Variants in IQANK1 observed in about 807,000 individuals in gnomAD.
IQANK1 encodes IQ motif and ankyrin repeat domain-containing protein 1.
In IQANK1, 30 loss-of-function variants were observed where a neutral mutation model predicts 22.6. The observed-to-expected ratio is 1.33, with a 90% CI of 0.99 to 1.80. The LOEUF (loss-of-function observed/expected upper bound fraction) is 1.80. Among genes scored for constraint, IQANK1 ranks in the 40% most tolerant of loss-of-function variants. The pLI is 0.00. For missense variants in IQANK1, 275 were observed against 235.2 expected, an observed-to-expected ratio of 1.17 and a Z score of -1.11; for synonymous variants, 122 against 99.6, an observed-to-expected ratio of 1.23 and a Z score of -1.34.
At chr8:143,762,341 G>GGAAAAGAAAA (rs111349466) in intron 3 of IQANK1, among the ~76,000 whole-genome samples, 2 of 151,106 alleles carry the variant, frequency 1.3e-5, no homozygotes, top group African/African-American at 4.9e-5. Flanking sequence ...AGGGAGGGAG[G>GGAAAAGAAAA]GAAAAGAAAA....
intron 3 of IQANK1, chr8:143,743,928 G>C: frequency 2.5e-6 from 1 of 406,934 alleles, no homozygotes. Context: ...CCGCCTCCCA[G>C]GTTCAGGCAA....
chr8:143,788,779 C>T (rs1358964475), intron 7 of IQANK1, 136 bp from the exon 8 acceptor site: 14 of 397,200 alleles, frequency 3.5e-5, no homozygotes, highest in East Asian at 1.1e-4. Flanking sequence ...GGGCCCACCA[C>T]GCACCAGCTG....
chr8:143,788,483 T>C lies in IQANK1; in HGVS notation c.790-432T>C, dbSNP rs569996858. Among the ~76,000 whole-genome samples the C allele has an allele frequency of 2.4e-4, 36 of 152,198 alleles. No homozygotes were observed. The South Asian group carries it at 7.0e-3, about 30-fold the overall frequency. On this transcript the variant is annotated intron_variant, in intron 7 of 13. Transcript: ENST00000527139. ...AGGGATTGTGTCCTGCAGGCAGAGA[T>C]CTGTGGGAGACCACAGAGGAGGGAG...
At chr8:143,786,477 T>A (rs112097948) in intron 7 of IQANK1, among the ~76,000 whole-genome samples, 1 of 152,244 alleles carries the variant, frequency 6.6e-6, no homozygotes, top group Non-Finnish European at 1.5e-5. Context: ...CAGAAGAATG[T>A]GCATAAATGA....
At chr8:143,749,116 GTA>G (rs1819123789) in intron 3 of IQANK1, among the ~76,000 whole-genome samples, 1 of 119,390 alleles carries the variant, frequency 8.4e-6, no homozygotes, top group African/African-American at 3.4e-5. Context: ...TGATATAAAC[GTA>G]TATATAGCAT....
At chr8:143,786,608 G>A (rs1483049154) in intron 7 of IQANK1, among the ~76,000 whole-genome samples, 5 of 152,154 alleles carry the variant, frequency 3.3e-5, no homozygotes, top group African/African-American at 1.2e-4. Flanking sequence ...TGGACCAACT[G>A]ACAGAAGACC....
chr8:143,738,970 G>A (rs184902417), intron 2 of IQANK1, among the ~76,000 whole-genome samples: 5 of 152,192 alleles, frequency 3.3e-5, no homozygotes, highest in East Asian at 1.9e-4. Flanking sequence ...GGCAGGGTTC[G>A]GGCCACTGCA....
chr8:143,778,730 G>A lies in IQANK1; in HGVS notation c.789+6248G>A, dbSNP rs985643845. Among the ~76,000 whole-genome samples the A allele has an allele frequency of 3.3e-5, 5 of 152,110 alleles. No individual in the cohort carries two copies. The South Asian group carries it at 6.2e-4, about 19-fold the overall frequency. On this transcript the variant is annotated intron_variant, in intron 7 of 13. Transcript: ENST00000527139. ...CCATCTCGCCCCAGTATTGGTTTGC[G>A]CTTTCGCCAATTCATAATTATCTTA...
At chr8:143,755,572 C>G (rs1434361549) in intron 3 of IQANK1, among the ~76,000 whole-genome samples, 3 of 152,134 alleles carry the variant, frequency 2.0e-5, no homozygotes, top group African/African-American at 7.2e-5. Context: ...TCATGTTGGC[C>G]AGGCTGGTCT....
intron 7 of IQANK1, among the ~76,000 whole-genome samples, chr8:143,778,693 C>T (rs1171751277): frequency 6.6e-6 from 1 of 152,230 alleles, no homozygotes; most frequent in Non-Finnish European, 1.5e-5. Flanking sequence ...TCCATACATT[C>T]ACCCACTTCA....
rs552938607 is a variant in IQANK1 at position 143,787,398 on chromosome 8, A to G, written c.790-1517A>G. On this transcript the variant is annotated intron_variant, in intron 7 of 13. Transcript: ENST00000527139. ...TGTCTGCATGTCCCTGGCCCCCCAC[A>G]GACCTGCAGGCCCCCTACACTGCCC... Among the ~76,000 whole-genome samples the G allele has an allele frequency of 2.4e-3, 360 of 151,834 alleles. 2 individuals are homozygous for G. Among genetic ancestry groups the G allele is most frequent in the Non-Finnish European group, 3.9e-3 (264 of 67,896 alleles).
In IQANK1 at chr8:143,738,302, G is replaced by A. The variant is rs1419900634; in HGVS notation, c.86-1557G>A. On this transcript the variant is annotated intron_variant, in intron 2 of 13. Coordinates refer to ENST00000527139, the MANE Select transcript of IQANK1 (RefSeq NM_001381874.1). ...AGGGGCCCTGGCTCATGGACCAGCC[G>A]GCCTCAGGCCAGCTCAGAGGGCGTC... Among the ~76,000 whole-genome samples, 4 of 152,294 alleles carry A rather than the reference G, an allele frequency of 2.6e-5. No individual in the cohort carries two copies. The South Asian group carries it at 6.2e-4, about 24-fold the overall frequency.
At chr8:143,779,221 AT>A (rs1178792476) in intron 7 of IQANK1, among the ~76,000 whole-genome samples, 1 of 152,116 alleles carries the variant, frequency 6.6e-6, no homozygotes, top group African/African-American at 2.4e-5. Context: ...TTATTCACTT[AT>A]TTTTTATCTA....
chr8:143,736,018 A>T lies in IQANK1; in HGVS notation c.85+80A>T. 5.8e-6 allele frequency: 4 copies of T among 688,828 alleles called. No individual in the cohort carries two copies. In the South Asian group the frequency reaches 6.1e-5, roughly 10 times the overall value. The allele number at this position is 688,828 out of a possible 1,614,324, so 42.7% of individuals were successfully genotyped here. A position where few individuals can be genotyped will look rare whatever the true frequency, so the allele number is the denominator to read the frequency against. On this transcript the variant is annotated intron_variant, in intron 2 of 13. Transcript: ENST00000527139. ...ACCTTCTATGTAGCCACCGAGAGAC[A>T]CCCCCTCTGAGGAGAGCCCTTCTTC...
At chr8:143,768,349 G>T (rs1418544303) in intron 3 of IQANK1, among the ~76,000 whole-genome samples, 1 of 151,912 alleles carries the variant, frequency 6.6e-6, no homozygotes, top group African/African-American at 2.4e-5. Flanking sequence ...TGCTTGTGAC[G>T]TTGCCCTCGA....
chr8:143,740,362 T>G (rs1022309019), intron 3 of IQANK1, among the ~76,000 whole-genome samples: 7 of 152,276 alleles, frequency 4.6e-5, no homozygotes, highest in African/African-American at 1.2e-4. Flanking sequence ...CCGGATCGCC[T>G]TCTCAGGCTC....
intron 3 of IQANK1, among the ~76,000 whole-genome samples, chr8:143,760,968 G>A (rs1424427115): frequency 2.0e-5 from 3 of 152,132 alleles, no homozygotes; most frequent in African/African-American, 7.2e-5. Context: ...CGCGGGGCGG[G>A]ACCAGCTGCG....
intron 7 of IQANK1, among the ~76,000 whole-genome samples, chr8:143,788,248 C>T (rs1263235580): frequency 6.6e-6 from 1 of 152,254 alleles, no homozygotes; most frequent in Non-Finnish European, 1.5e-5. Flanking sequence ...CGCCACCAGG[C>T]GCATGTGGAC....
chr8:143,778,561 C>T (rs940999792), intron 7 of IQANK1, among the ~76,000 whole-genome samples: 3 of 152,152 alleles, frequency 2.0e-5, no homozygotes, highest in Non-Finnish European at 4.4e-5. Context: ...TGGTAATAGG[C>T]GATTTTGCCA....
Sources: allele counts gnomAD v4.1 joint callset (sites outside exome capture counted in the v4.1 genomes callset), GRCh38; gene constraint gnomAD v4.1.1; transcripts MANE v1.5; gene names NCBI Gene and HGNC (gene_info 2026-07-23, HGNC 2026-07-21).